Variants in ASIC2 observed in about 807,000 individuals in gnomAD.
ASIC2 encodes acid-sensing ion channel 2.
A neutral mutation model predicts 57.3 loss-of-function variants in ASIC2; 25 were observed. That is an observed-to-expected ratio of 0.44 (90% CI 0.32 to 0.61). ASIC2 has a LOEUF of 0.61. Among genes scored for constraint, ASIC2 ranks in the 20% least tolerant of loss-of-function variants. The pLI is 0.06. For synonymous variants in ASIC2, 319 were observed against 307.5 expected (o/e 1.04, Z -0.39); for missense variants, 641 against 738.1 (o/e 0.87, Z 1.52).
intron 1 of ASIC2, among the ~76,000 whole-genome samples, chr17:33,255,931 C>T (rs1480592094): frequency 6.6e-6 from 1 of 152,124 alleles, no homozygotes; most frequent in East Asian, 1.9e-4. Context: ...ATACCCTCTA[C>T]CTAAGTCACC....
At chr17:33,795,629 G>A (rs1191417246) in intron 1 of ASIC2, among the ~76,000 whole-genome samples, 1 of 152,218 alleles carries the variant, frequency 6.6e-6, no homozygotes, top group African/African-American at 2.4e-5. Flanking sequence ...CATACCTGTT[G>A]CCCATCCCAG....
At chr17:33,924,114 G>C (rs191751493) in intron 1 of ASIC2, among the ~76,000 whole-genome samples, 1 of 152,358 alleles carries the variant, frequency 6.6e-6, no homozygotes, top group Admixed American at 6.5e-5. Context: ...GCAGGTCAGA[G>C]AGCAAGTCTA....
At chr17:33,774,151 G>C (rs564335929) in intron 1 of ASIC2, among the ~76,000 whole-genome samples, 2 of 152,270 alleles carry the variant, frequency 1.3e-5, no homozygotes, top group South Asian at 4.1e-4. Flanking sequence ...TTCTTCCCCT[G>C]CATCAGGAGT....
intron 1 of ASIC2, among the ~76,000 whole-genome samples, chr17:34,110,066 T>C (rs891786727): frequency 2.0e-5 from 3 of 152,080 alleles, no homozygotes; most frequent in Non-Finnish European, 4.4e-5. Context: ...TTCTAATAAA[T>C]AGAACATCCA....
chr17:33,050,193 A>T (rs2091969933), intron 3 of ASIC2, among the ~76,000 whole-genome samples: 1 of 151,970 alleles, frequency 6.6e-6, no homozygotes, highest in African/African-American at 2.4e-5. Context: ...CCGCTGGGAA[A>T]TTTTTTCAGA....
At chr17:33,540,595 G>A (rs970906330) in intron 1 of ASIC2, among the ~76,000 whole-genome samples, 10 of 152,168 alleles carry the variant, frequency 6.6e-5, no homozygotes, top group South Asian at 2.1e-4. Flanking sequence ...ACCCATTTTC[G>A]CTGCCCTCAC....
chr17:33,739,965 AAAG>A (rs142572226), intron 1 of ASIC2, among the ~76,000 whole-genome samples: 49,176 of 147,756 alleles, frequency 0.33, 9,986 homozygotes, highest in Non-Finnish European at 0.47. Context: ...AAGAGAAAGA[AAAG>A]AAGAAAGAAA....
At chr17:34,131,919 G>A (rs756052176) in intron 1 of ASIC2, among the ~76,000 whole-genome samples, 14 of 152,192 alleles carry the variant, frequency 9.2e-5, no homozygotes, top group African/African-American at 2.7e-4. Context: ...TTCTCTGAGG[G>A]ACATTTAGGA....
chr17:33,325,956 CTGATAGGTAGAGA>C (rs1165517307), intron 1 of ASIC2, among the ~76,000 whole-genome samples: 1 of 152,108 alleles, frequency 6.6e-6, no homozygotes, highest in Non-Finnish European at 1.5e-5. Context: ...CAAGGAAAAG[CTGATAGGTAGAGA>C]ATATTATAAA....
At chr17:33,945,062 T>C (rs186813452) in intron 1 of ASIC2, among the ~76,000 whole-genome samples, 1 of 152,360 alleles carries the variant, frequency 6.6e-6, no homozygotes, top group Non-Finnish European at 1.5e-5. Context: ...ATGTGATTGC[T>C]GCTGCCTGCT....
intron 3 of ASIC2, among the ~76,000 whole-genome samples, chr17:33,074,350 C>T (rs1412524305): frequency 6.6e-6 from 1 of 152,192 alleles, no homozygotes; most frequent in African/African-American, 2.4e-5. Context: ...GTTGGCCCTG[C>T]CCCTTGTCAT....
intron 1 of ASIC2, among the ~76,000 whole-genome samples, chr17:33,180,427 C>G (rs73277898): frequency 6.6e-6 from 1 of 152,130 alleles, no homozygotes; most frequent in Admixed American, 6.5e-5. Context: ...CTTCTGTCCC[C>G]TCAGCTGGGT....
chr17:33,455,924 T>A (rs1296668891), intron 1 of ASIC2, among the ~76,000 whole-genome samples: 1 of 152,176 alleles, frequency 6.6e-6, no homozygotes, highest in Non-Finnish European at 1.5e-5. Flanking sequence ...ACAGGCCGTG[T>A]TGTCCAATGG....
chr17:34,015,917 C>T (rs903530707), intron 1 of ASIC2, among the ~76,000 whole-genome samples: 2 of 152,192 alleles, frequency 1.3e-5, no homozygotes, highest in African/African-American at 4.8e-5. Flanking sequence ...CACGTGCCTA[C>T]CATGAGGCTC....
rs190617538 is a variant in ASIC2 at position 34,141,379 on chromosome 17, T to C, written c.555+14599A>G. Reference sequence around the variant, plus strand: ...TGCAACACCTATATGTTTGAAATTGTTTCCAATTCTTTTTTAAAAAAAGAA... The same window carrying C: ...TGCAACACCTATATGTTTGAAATTGCTTCCAATTCTTTTTTAAAAAAAGAA... On this transcript the variant is annotated intron_variant, in intron 1 of 9. Coordinates refer to the ASIC2 transcript ENST00000359872. Among the ~76,000 whole-genome samples, 332 of 152,338 alleles carry C rather than the reference T, an allele frequency of 2.2e-3. 1 individual carries two copies. Among genetic ancestry groups the C allele is most frequent in the African/African-American group, 7.7e-3 (321 of 41,584 alleles).
Position 33,868,696 on chromosome 17 carries a change from G to A in ASIC2, c.555+287282C>T, listed in dbSNP as rs558440161. ...ATGGGAGAAAACTTTTGTAAATCAC[G>A]TACCTAATCAAGTACTTGTATCCCA... On this transcript the variant is annotated intron_variant, in intron 1 of 9. Transcript: ENST00000359872. 1.3e-3 allele frequency among the ~76,000 whole-genome samples: 204 copies of A among 152,172 alleles called. 1 individual carries two copies. Among genetic ancestry groups the A allele is most frequent in the African/African-American group, 4.2e-3 (173 of 41,516 alleles).
At chr17:33,678,185 A>G (rs1333149572) in intron 1 of ASIC2, among the ~76,000 whole-genome samples, 1 of 152,168 alleles carries the variant, frequency 6.6e-6, no homozygotes, top group Admixed American at 6.5e-5. Flanking sequence ...ATATTTTTTA[A>G]TTAAGGGCTG....
chr17:34,125,501 T>C (rs1911752795), intron 1 of ASIC2, among the ~76,000 whole-genome samples: 1 of 152,070 alleles, frequency 6.6e-6, no homozygotes, highest in South Asian at 2.1e-4. Context: ...AGGTAGCTCA[T>C]GGAATCTCCA....
chr17:33,164,898 T>C (rs1384977046), intron 1 of ASIC2, among the ~76,000 whole-genome samples: 4 of 152,144 alleles, frequency 2.6e-5, no homozygotes, highest in African/African-American at 9.7e-5. Flanking sequence ...ACCTCCAACA[T>C]GACAATCTGG....
Sources: allele counts gnomAD v4.1 joint callset (sites outside exome capture counted in the v4.1 genomes callset), GRCh38; gene constraint gnomAD v4.1.1; transcripts MANE v1.5; gene names NCBI Gene and HGNC (gene_info 2026-07-23, HGNC 2026-07-21).